CAPN10: variants seen among roughly 807,000 people sequenced by gnomAD.
The protein encoded by CAPN10 is calpain-10.
CAPN10 carries 71 observed loss-of-function variants against 78.4 expected under a neutral mutation model. The ratio of observed to expected loss-of-function variants is 0.91; its 90% CI spans 0.75 to 1.10. The LOEUF is 1.10. Ranked by LOEUF, CAPN10 falls within the 50% of genes least tolerant of loss-of-function variation. The pLI is 0.00. For missense variants in CAPN10, 849 were observed against 924.6 expected (o/e 0.92, Z 1.06); for synonymous variants, 437 against 407.2 (o/e 1.07, Z -0.88).
At chr2:240,594,886 G>A (rs2093126611) in intron 6 of CAPN10, 138 bp from the exon 7 acceptor site, 1 of 1,121,134 alleles carries the variant, frequency 8.9e-7, no homozygotes, top group East Asian at 2.5e-5. Context: ...CTGGGAGGAG[G>A]GTGGGCTTGT....
chr2:240,591,559 T>G (rs1444765694), intron 3 of CAPN10: 2 of 289,100 alleles, frequency 6.9e-6, no homozygotes, highest in Non-Finnish European at 1.3e-5. Flanking sequence ...GGCTGGCTGG[T>G]GACATCAGTG....
intron 7 of CAPN10, 175 bp downstream of exon 7, chr2:240,595,479 C>G (rs2093131037): frequency 1.5e-6 from 1 of 663,058 alleles, no homozygotes; most frequent in Non-Finnish European, 2.6e-6. Context: ...GCTCCCAGAC[C>G]CGGCTCTGAC....
chr2:240,588,231 A>C (rs1217618410), intron 1 of CAPN10, among the ~76,000 whole-genome samples: 1 of 151,906 alleles, frequency 6.6e-6, no homozygotes, highest in Non-Finnish European at 1.5e-5. Flanking sequence ...AGGCAGGTGG[A>C]TCTGTCCTGG....
intron 4 of CAPN10, among the ~76,000 whole-genome samples, chr2:240,593,169 G>A (rs921039165): frequency 3.9e-5 from 6 of 152,222 alleles, no homozygotes; most frequent in African/African-American, 1.2e-4. Flanking sequence ...GGAGCTGTTG[G>A]TTTTGGGTGC....
chr2:240,595,427 C>T (rs1248827530), intron 7 of CAPN10, 123 bp downstream of exon 7: 3 of 1,078,702 alleles, frequency 2.8e-6, no homozygotes, highest in East Asian at 2.6e-5. Flanking sequence ...CCACCAGTCT[C>T]CCCCCTCCTT....
chr2:240,588,061 A>G (rs1179530480), intron 1 of CAPN10, among the ~76,000 whole-genome samples: 1 of 152,216 alleles, frequency 6.6e-6, no homozygotes, highest in Non-Finnish European at 1.5e-5. Context: ...TCGAGAGGCC[A>G]TAGTGACTGA....
At chr2:240,590,261 G>A (rs1369088749) in intron 2 of CAPN10, 1 of 152,764 alleles carries the variant, frequency 6.5e-6, no homozygotes, top group Admixed American at 6.5e-5. Context: ...AAGGAGCCCT[G>A]CGGTGGACGC....
chr2:240,589,428 T>C lies in CAPN10; in HGVS notation c.227T>C (p.Leu76Pro), dbSNP rs1485217567. ...KQGLLGDCWF[L>P]CACAALQKSR... ...GGGCTGCTGGGGGATTGCTGGTTCC[T>C]GTGTGCCTGCGCCGCGCTGCAGAAG... is the stretch of plus-strand genomic sequence containing the variant. Residue 76 changes from leucine to proline, a missense_variant, in exon 2 of 12, where the codon CTG (leucine) becomes CCG (proline). Coordinates refer to ENST00000391984, the MANE Select transcript of CAPN10 (RefSeq NM_023083.4). 1 of 1,613,980 alleles carries C rather than the reference T, an allele frequency of 6.2e-7. No homozygotes were observed. The highest frequency in any genetic ancestry group is 8.5e-7 in the Non-Finnish European group (1 of 1,180,010).
chr2:240,594,457 C>A, intron 5 of CAPN10, 86 bp from the exon 6 acceptor site: 1 of 1,376,398 alleles, frequency 7.3e-7, no homozygotes, highest in Middle Eastern at 1.9e-4. Context: ...CTCTCTGGGT[C>A]CCCTCCAGGC....
chr2:240,591,052 TG>T (rs774513710), intron 3 of CAPN10, 41 bp downstream of exon 3: 83 of 1,581,696 alleles, frequency 5.2e-5, no homozygotes, highest in Non-Finnish European at 7.1e-5. Context: ...CTGGGGCAAG[TG>T]GGAGCTGCCA....
At position 240,598,104 on chromosome 2, in the gene CAPN10, TGGG is replaced by T. The variant is rs768213528; in HGVS notation, c.1943+20_1943+22del. The T allele has an allele frequency of 1.9e-6, 3 of 1,595,782 alleles. No homozygotes were observed. The highest frequency in any genetic ancestry group is 1.7e-6 in the Non-Finnish European group (2 of 1,167,770). On this transcript the variant is annotated intron_variant, in intron 10 of 11. Coordinates refer to ENST00000391984, the MANE Select transcript of CAPN10 (RefSeq NM_023083.4). ...GATTGACAGGTGGGGCTCTGGGACT[TGGG>T]GGCGGCCAGCTGGAGGCTGGGGTGC...
chr2:240,586,809 G>C lies in CAPN10; in HGVS notation c.-103G>C. On this transcript the variant is annotated 5_prime_UTR_variant, in exon 1 of 12. Coordinates refer to ENST00000391984, the MANE Select transcript of CAPN10 (RefSeq NM_023083.4). The stretch of plus-strand genomic sequence containing the variant: ...GGCTTGGAGGGCTGGGCCGGGCGGG[G>C]AACGGGCGGGGCGGGCCGGAGGCGG... 1 of 1,178,076 alleles carries C rather than the reference G, an allele frequency of 8.5e-7. No individual in the cohort carries two copies. The highest frequency in any genetic ancestry group is 1.1e-6 in the Non-Finnish European group (1 of 920,276). 73.0% of individuals were successfully genotyped at this position (1,178,076 alleles called of 1,614,324 possible). A position where few individuals can be genotyped will look rare whatever the true frequency, so the allele number is the denominator to read the frequency against.
intron 3 of CAPN10, chr2:240,591,700 A>T (rs41266971): frequency 1.6e-5 from 9 of 567,542 alleles, no homozygotes; most frequent in Admixed American, 9.4e-5. Flanking sequence ...GATGCCAGAG[A>T]GTTTCTGTGT....
chr2:240,592,702 G>C, intron 4 of CAPN10: 2 of 348,924 alleles, frequency 5.7e-6, no homozygotes, highest in Non-Finnish European at 1.1e-5. Flanking sequence ...TTTTGAGTGC[G>C]CTCTCAGTTT....
rs984133979 is a variant in CAPN10 at position 240,591,939 on chromosome 2, T to C, written c.477T>C (p.His159=). ...TGGTGATTGTGTCCCCTAGGGTCCA[T>C]GGGTCCTACGAGCACCTGTGGGCCG... is the stretch of plus-strand genomic sequence containing the variant. ...PLLEKVYAKV[H]GSYEHLWAGQ... is the part of the protein sequence containing the mutation. Residue 159 remains histidine (H), a synonymous_variant, in exon 4 of 12, where the codon CAT becomes CAC. Coordinates refer to ENST00000391984, the MANE Select transcript of CAPN10 (RefSeq NM_023083.4). The C allele has an allele frequency of 7.4e-6, 12 of 1,612,844 alleles. No homozygotes were observed. Among genetic ancestry groups the C allele is most frequent in the Non-Finnish European group, 1.0e-5 (12 of 1,179,808 alleles).
rs750915612 is a variant in CAPN10, at chr2:240,598,639, C to T, written c.1990-12C>T. The T allele has an allele frequency of 8.9e-6, 14 of 1,575,150 alleles. 1 individual carries two copies. The South Asian group carries it at 1.5e-4, about 17-fold the overall frequency. Reference sequence around the variant, plus strand: ...TGCCACCGCTGCCCGGGCCCCCCATCTGTCTTTGCAGGTCTCCATCATGGC... The same window carrying T: ...TGCCACCGCTGCCCGGGCCCCCCATTTGTCTTTGCAGGTCTCCATCATGGC... On this transcript the variant is annotated splice_polypyrimidine_tract_variant and intron_variant, in intron 11 of 11. Coordinates refer to ENST00000391984, the MANE Select transcript of CAPN10 (RefSeq NM_023083.4).
chr2:240,596,319 G>A lies in CAPN10; in HGVS notation c.1279G>A (p.Val427Ile), dbSNP rs1436645304. The A allele has an allele frequency of 1.2e-6, 2 of 1,600,584 alleles. No individual in the cohort carries two copies. Among genetic ancestry groups the A allele is most frequent in the Admixed American group, 1.7e-5 (1 of 59,684 alleles). Residue 427 changes from valine to isoleucine, a missense_variant and splice_region_variant, in exon 8 of 12, where the codon GTA becomes ATA. Val to Ile is a conservative substitution (Grantham distance 29). Transcript: ENST00000391984. The part of the protein sequence containing the change: ...YQAVGLHLWK[V>I]EKRRVNLPRV... ...CTGAGCCTCCTGCACGTGCTCACAG[G>A]TAGAGAAGCGGCGGGTCAATCTGCC...
intron 5 of CAPN10, 78 bp downstream of exon 5, chr2:240,594,125 C>T (rs2125462168): frequency 7.0e-7 from 1 of 1,425,540 alleles, no homozygotes; most frequent in Admixed American, 2.1e-5. Flanking sequence ...TGGTCACCTT[C>T]AGCTGTCAGG....
intron 1 of CAPN10, among the ~76,000 whole-genome samples, chr2:240,587,403 CAG>C (rs2093075496): frequency 1.3e-5 from 2 of 152,250 alleles, no homozygotes; most frequent in African/African-American, 4.8e-5. Flanking sequence ...GCTCCTCCCG[CAG>C]AGAGGGCCGC....
Sources: allele counts gnomAD v4.1 joint callset (sites outside exome capture counted in the v4.1 genomes callset), GRCh38; gene constraint gnomAD v4.1.1; transcripts MANE v1.5; gene names NCBI Gene and HGNC (gene_info 2026-07-23, HGNC 2026-07-21).